The following SEMA3A variants were observed in gnomAD, a reference collection of about 807,000 sequenced individuals.
SEMA3A encodes the protein semaphorin 3A.
Under a neutral mutation model 97.9 loss-of-function variants are expected in SEMA3A, and 29 were observed. The ratio of observed to expected loss-of-function variants is 0.30; its 90% CI spans 0.22 to 0.40. The LOEUF (loss-of-function observed/expected upper bound fraction) is 0.40, where lower values mean the gene tolerates loss of function less well. SEMA3A is among the 10% of genes least tolerant of loss of function. The pLI, the probability that SEMA3A is intolerant of heterozygous loss-of-function variation, is 1.00. For missense variants in SEMA3A, 763 were observed against 951.3 expected (o/e 0.80, Z 2.60); for synonymous variants, 321 against 323.7 (o/e 0.99, Z 0.09).
intron 7 of SEMA3A, among the ~76,000 whole-genome samples, chr7:84,012,437 C>T (rs1790918996): frequency 6.6e-6 from 1 of 152,110 alleles, no homozygotes; most frequent in African/African-American, 2.4e-5. Flanking sequence ...TAGTATAATG[C>T]TCTCTCTCCT....
At chr7:84,448,544 A>T (rs1006609347) in intron 1 of SEMA3A, among the ~76,000 whole-genome samples, 2 of 152,132 alleles carry the variant, frequency 1.3e-5, no homozygotes, top group African/African-American at 4.8e-5. Flanking sequence ...TGAAGAAAGC[A>T]ATTTCATGTA....
At chr7:84,174,737 T>C (rs533950443) in intron 1 of SEMA3A, among the ~76,000 whole-genome samples, 1 of 152,288 alleles carries the variant, frequency 6.6e-6, no homozygotes, top group Admixed American at 6.5e-5. Context: ...AAGATATAAA[T>C]TATAATTAGT....
intron 1 of SEMA3A, among the ~76,000 whole-genome samples, chr7:84,475,367 G>A (rs1806257196): frequency 6.6e-6 from 1 of 152,094 alleles, no homozygotes. Flanking sequence ...TTTTGGAGTG[G>A]TGGTGGTTTG....
chr7:84,077,303 T>G (rs2115780269), intron 4 of SEMA3A, among the ~76,000 whole-genome samples: 1 of 152,226 alleles, frequency 6.6e-6, no homozygotes. Flanking sequence ...ATCTTATAAT[T>G]TCTTAAAGCA....
chr7:84,158,148 CTTTTT>C (rs1187182577), intron 1 of SEMA3A, among the ~76,000 whole-genome samples: 1,497 of 82,200 alleles, frequency 0.018, 8 homozygotes, highest in African/African-American at 0.041. Flanking sequence ...ACAGCTAATT[CTTTTT>C]TTTTTTTTTT....
Position 84,052,626 on chromosome 7 carries a change from C to T in SEMA3A, c.548-6183G>A, listed in dbSNP as rs1006505556. On this transcript the variant is annotated intron_variant, in intron 5 of 16. Coordinates refer to ENST00000265362, the MANE Select transcript of SEMA3A (RefSeq NM_006080.3). ...TTTTTTTCTTTATTAGTCTTGCTAG[C>T]GGCCTATCAATTTTGTTGATCCTTT... Among the ~76,000 whole-genome samples the T allele has an allele frequency of 2.9e-3, 442 of 152,032 alleles. 1 individual carries two copies. The highest frequency in any genetic ancestry group is 0.01 in the African/African-American group (417 of 41,458).
At chr7:84,212,417 A>G (rs879291925) in intron 3 of SEMA3A, among the ~76,000 whole-genome samples, 2 of 152,216 alleles carry the variant, frequency 1.3e-5, no homozygotes, top group African/African-American at 2.4e-5. Flanking sequence ...CCATTTCCCC[A>G]ACAAGTGTTT....
rs545286581 is a variant in SEMA3A at position 84,372,538 on chromosome 7, T to C, written c.-245-638A>G. ...TTGAGTGGGTGGATACAATGGTGAC[T>C]AGTTTAATGAGTCACTCATTGAGAG... On this transcript the variant is annotated intron_variant, in intron 1 of 3. Transcript: ENST00000424555. Among the ~76,000 whole-genome samples, 13 of 152,190 alleles carry C rather than the reference T, an allele frequency of 8.5e-5. No individual in the cohort carries two copies. The South Asian group carries it at 1.0e-3, about 12-fold the overall frequency.
At chr7:84,372,484 A>G (rs866325508) in intron 1 of SEMA3A, among the ~76,000 whole-genome samples, 36 of 152,214 alleles carry the variant, frequency 2.4e-4, no homozygotes, top group African/African-American at 8.7e-4. Flanking sequence ...TGACAGAGCA[A>G]CCTCAGATTT....
chr7:84,413,169 T>A (rs535588615), intron 1 of SEMA3A, among the ~76,000 whole-genome samples: 1 of 152,286 alleles, frequency 6.6e-6, no homozygotes, highest in African/African-American at 2.4e-5. Context: ...TCATAACTGA[T>A]GCAGTTATGA....
intron 5 of SEMA3A, among the ~76,000 whole-genome samples, chr7:84,055,617 T>A (rs1792936935): frequency 6.6e-6 from 1 of 152,134 alleles, no homozygotes. Flanking sequence ...CACTCCCTAG[T>A]GAGATGAACC....
intron 12 of SEMA3A, among the ~76,000 whole-genome samples, chr7:83,998,752 AT>A (rs1790320216): frequency 6.6e-6 from 1 of 152,092 alleles, no homozygotes. Context: ...TTCTTGTTTG[AT>A]AAATTATTAT....
At position 84,123,611 on chromosome 7, in the gene SEMA3A, G is replaced by A. The variant is rs190253942; in HGVS notation, c.333+5512C>T. Among the ~76,000 whole-genome samples the A allele has an allele frequency of 8.7e-5, 13 of 150,228 alleles. 1 individual carries two copies. The highest frequency in any genetic ancestry group is 7.8e-4 in the East Asian group (4 of 5,108). ...CCAGCACATGCATGTACATGCATGC[G>A]CAGGCACACACACACACTCTATATA... On this transcript the variant is annotated intron_variant, in intron 3 of 16. Transcript: ENST00000265362.
At chr7:84,321,062 A>C (rs1386685455) in intron 2 of SEMA3A, among the ~76,000 whole-genome samples, 3 of 152,178 alleles carry the variant, frequency 2.0e-5, no homozygotes, top group African/African-American at 7.2e-5. Flanking sequence ...CTTATTTGAT[A>C]ATAACAAGTT....
intron 2 of SEMA3A, among the ~76,000 whole-genome samples, chr7:84,344,928 C>G (rs1802259703): frequency 6.6e-6 from 1 of 152,092 alleles, no homozygotes; most frequent in Non-Finnish European, 1.5e-5. Context: ...ATTTTGAAAA[C>G]ACATTCTGGA....
intron 3 of SEMA3A, among the ~76,000 whole-genome samples, chr7:84,114,976 C>A (rs1233603237): frequency 6.6e-6 from 1 of 152,042 alleles, no homozygotes; most frequent in Non-Finnish European, 1.5e-5. Flanking sequence ...TAACACTCAT[C>A]TTTTTAAGTG....
At chr7:84,427,474 C>T (rs1350658708) in intron 1 of SEMA3A, among the ~76,000 whole-genome samples, 1 of 151,556 alleles carries the variant, frequency 6.6e-6, no homozygotes, top group African/African-American at 2.4e-5. Context: ...TGGTGAAACC[C>T]TGTCTCTACT....
chr7:84,007,330 T>G, intron 10 of SEMA3A, 23 bp downstream of exon 10: 1 of 1,564,952 alleles, frequency 6.4e-7, no homozygotes, highest in South Asian at 1.2e-5. Context: ...TCATTTCATA[T>G]TTTAAACACC....
At chr7:84,094,345 A>G (rs1794686720) in intron 4 of SEMA3A, among the ~76,000 whole-genome samples, 1 of 148,226 alleles carries the variant, frequency 6.7e-6, no homozygotes, top group East Asian at 2.0e-4. Context: ...TTTTTTTCCC[A>G]TGTTATACTT....
Sources: allele counts gnomAD v4.1 joint callset (sites outside exome capture counted in the v4.1 genomes callset), GRCh38; gene constraint gnomAD v4.1.1; transcripts MANE v1.5; gene names NCBI Gene and HGNC (gene_info 2026-07-23, HGNC 2026-07-21).